Variants in INTS6 observed in about 807,000 individuals in gnomAD.
The protein encoded by INTS6 is DEAD box protein.
In INTS6, 16 loss-of-function variants were observed where a neutral mutation model predicts 104.9. That is an observed-to-expected ratio of 0.15 (90% CI 0.10 to 0.23). The LOEUF is 0.23. Among genes scored for constraint, INTS6 ranks in the 10% least tolerant of loss-of-function variants. The pLI, the probability that INTS6 is intolerant of heterozygous loss-of-function variation, is 1.00. For missense variants in INTS6, 584 were observed against 1,062.8 expected (o/e 0.55, Z 6.26); for synonymous variants, 324 against 358.7 (o/e 0.90, Z 1.09).
chr13:51,337,037 A>G, the INTS6 span, among the ~76,000 whole-genome samples: 1 of 152,220 alleles, frequency 6.6e-6, no homozygotes, highest in African/African-American at 2.4e-5. Flanking sequence ...TGCTAATTTC[A>G]TCTGGCTGTG....
intron 4 of INTS6, among the ~76,000 whole-genome samples, chr13:51,424,847 T>G (rs370255645): frequency 4.6e-5 from 7 of 152,034 alleles, no homozygotes; most frequent in African/African-American, 1.7e-4. Context: ...CACACCACTG[T>G]GGCATCCCTC....
chr13:51,449,025 T>C (rs887709119), intron 3 of INTS6: 13 of 152,170 alleles, frequency 8.5e-5, no homozygotes, highest in African/African-American at 3.1e-4. Context: ...ATAGAAAACA[T>C]GAAATGTTTA....
At chr13:51,449,468 T>C (rs1429840841) in intron 3 of INTS6, 1 of 985,158 alleles carries the variant, frequency 1.0e-6, no homozygotes, top group Non-Finnish European at 1.2e-6. Context: ...CAAGCAGTTT[T>C]TCGAAGGAAG....
chr13:51,337,175 G>T, the INTS6 span, among the ~76,000 whole-genome samples: 2 of 152,142 alleles, frequency 1.3e-5, no homozygotes, highest in Admixed American at 1.3e-4. Context: ...AATCCTCAAG[G>T]TCAGGGCTAC....
At chr13:51,446,781 T>C (rs1242850751) in intron 3 of INTS6, 1 of 152,238 alleles carries the variant, frequency 6.6e-6, no homozygotes, top group Non-Finnish European at 1.5e-5. Flanking sequence ...AACATTATGC[T>C]AAGTGAAATG....
At chr13:51,426,513 G>C (rs1269538667) in intron 4 of INTS6, among the ~76,000 whole-genome samples, 1 of 151,976 alleles carries the variant, frequency 6.6e-6, no homozygotes, top group East Asian at 1.9e-4. Context: ...CATTATACAA[G>C]ATTTGACACA....
At chr13:51,427,730 T>C (rs568386829) in intron 4 of INTS6, among the ~76,000 whole-genome samples, 1 of 152,302 alleles carries the variant, frequency 6.6e-6, no homozygotes, top group East Asian at 1.9e-4. Flanking sequence ...GTAATCAATT[T>C]TGAACTCAAT....
At chr13:51,429,557 A>T (rs1009995028) in intron 4 of INTS6, among the ~76,000 whole-genome samples, 2 of 151,890 alleles carry the variant, frequency 1.3e-5, no homozygotes, top group South Asian at 4.2e-4. Context: ...TGAGGTCAGG[A>T]GTTCGAGACC....
At chr13:51,390,690 G>GA (rs1408792655) in intron 5 of INTS6, among the ~76,000 whole-genome samples, 1 of 151,974 alleles carries the variant, frequency 6.6e-6, no homozygotes, top group Non-Finnish European at 1.5e-5. Flanking sequence ...AGGCTACTCA[G>GA]AAAAGAGAAC....
At chr13:51,418,799 G>C (rs1956841997) in intron 4 of INTS6, among the ~76,000 whole-genome samples, 1 of 152,076 alleles carries the variant, frequency 6.6e-6, no homozygotes, top group African/African-American at 2.4e-5. Flanking sequence ...AAATTGCAAA[G>C]GTAAAGTCTT....
rs746076909 is a variant in INTS6, at chr13:51,387,559, G to A, written c.740-19C>T. 1 of 1,593,884 alleles carries A rather than the reference G, an allele frequency of 6.3e-7. No individual in the cohort carries two copies. Among genetic ancestry groups the A allele is most frequent in the Non-Finnish European group, 8.5e-7 (1 of 1,169,598 alleles). ...TGCCCATCTATAGCAAAGAAATTAA[G>A]ACAAAGAAAGCATATATCATAAGGG... On this transcript the variant is annotated intron_variant, in intron 6 of 17. Transcript: ENST00000311234.
At chr13:51,356,919 C>T (rs770508072), downstream of INTS6, among the ~76,000 whole-genome samples, 2 of 152,040 alleles carry the variant, frequency 1.3e-5, no homozygotes, top group African/African-American at 2.4e-5. Flanking sequence ...ATTCACATTT[C>T]CTACTGACAA....
chr13:51,366,190 C>T (rs1479070193), intron 17 of INTS6, among the ~76,000 whole-genome samples: 2 of 151,844 alleles, frequency 1.3e-5, no homozygotes, highest in African/African-American at 4.8e-5. Context: ...AATTTGGGCT[C>T]CCCAAGCAAA....
At chr13:51,412,048 C>T (rs552334765) in intron 4 of INTS6, among the ~76,000 whole-genome samples, 84 of 152,300 alleles carry the variant, frequency 5.5e-4, no homozygotes, top group Non-Finnish European at 1.1e-3. Flanking sequence ...AAGCCAGCCA[C>T]ATATTATATA....
At chr13:51,346,369 C>T in the INTS6 span, among the ~76,000 whole-genome samples, 2 of 152,164 alleles carry the variant, frequency 1.3e-5, no homozygotes, top group African/African-American at 4.8e-5. Flanking sequence ...ACAGCACATA[C>T]TCCTTCCAAG....
chr13:51,347,301 A>C, the INTS6 span: 1 of 1,369,062 alleles, frequency 7.3e-7, no homozygotes. Context: ...AGGAGAGAGG[A>C]GGCCAGGTCC....
chr13:51,356,720 A>G (rs920422358), downstream of INTS6, among the ~76,000 whole-genome samples: 3 of 152,042 alleles, frequency 2.0e-5, no homozygotes, highest in Non-Finnish European at 2.9e-5. Context: ...AAGGTCCACA[A>G]ACTCCTCTGG....
At chr13:51,414,286 G>A (rs1956743305) in intron 4 of INTS6, among the ~76,000 whole-genome samples, 1 of 152,174 alleles carries the variant, frequency 6.6e-6, no homozygotes, top group Non-Finnish European at 1.5e-5. Flanking sequence ...TATCTTTGAT[G>A]TGAAAGGAAA....
chr13:51,400,009 A>T (rs929697133), intron 4 of INTS6, among the ~76,000 whole-genome samples: 1 of 152,230 alleles, frequency 6.6e-6, no homozygotes, highest in African/African-American at 2.4e-5. Context: ...AGCAAGCATT[A>T]CTGCCTGAGC....
Sources: allele counts gnomAD v4.1 joint callset (sites outside exome capture counted in the v4.1 genomes callset), GRCh38; gene constraint gnomAD v4.1.1; transcripts MANE v1.5; gene names NCBI Gene and HGNC (gene_info 2026-07-23, HGNC 2026-07-21).